Variants in RFTN1 observed in about 807,000 individuals in gnomAD.
RFTN1 encodes the protein raftlin.
A neutral mutation model predicts 46.5 loss-of-function variants in RFTN1; 26 were observed. That is an observed-to-expected ratio of 0.56 (90% CI 0.41 to 0.78). RFTN1 has a LOEUF of 0.78. RFTN1 is among the 30% of genes least tolerant of loss of function. The pLI, the probability that RFTN1 is intolerant of heterozygous loss-of-function variation, is 0.00. For missense variants in RFTN1, 693 were observed against 718.7 expected, an observed-to-expected ratio of 0.96 and a Z score of 0.41; for synonymous variants, 261 against 284.2, an observed-to-expected ratio of 0.92 and a Z score of 0.82.
chr3:16,458,429 A>G lies in RFTN1; in HGVS notation c.146-24392T>C, dbSNP rs2075951401. ...AAGTGTTTCTCTCACTGACATTTGG[A>G]AGACATTTTCCCTCCTCATGATGTG... On this transcript the variant is annotated intron_variant, in intron 2 of 9. Transcript: ENST00000334133. The surrounding 1 kb of genome is among the most constrained non-coding windows in gnomAD (Gnocchi z 5.1). Among the ~76,000 whole-genome samples, 1 of 152,196 alleles carries G rather than the reference A, an allele frequency of 6.6e-6. No homozygotes were observed. Among genetic ancestry groups the G allele is most frequent in the African/African-American group, 2.4e-5 (1 of 41,454 alleles).
Position 16,480,745 on chromosome 3 carries a change from C to T in RFTN1, c.145+12980G>A, listed in dbSNP as rs920741084. ...TTAGAGAAAGCTTAAAATTCTTTAACGCAATATTGCTAATAATAATTAGTA... is the reference window on the plus strand; with the variant it reads ...TTAGAGAAAGCTTAAAATTCTTTAATGCAATATTGCTAATAATAATTAGTA... On this transcript the variant is annotated intron_variant, in intron 2 of 9. Transcript: ENST00000334133. This position sits in a 1 kb window ranked among gnomAD's most constrained non-coding sequence, Gnocchi z 4.3. Among the ~76,000 whole-genome samples the T allele has an allele frequency of 6.6e-6, 1 of 152,136 alleles. No individual in the cohort carries two copies. Among genetic ancestry groups the T allele is most frequent in the Non-Finnish European group, 1.5e-5 (1 of 68,028 alleles).
chr3:16,401,945 C>T (rs2125424562), intron 4 of RFTN1, among the ~76,000 whole-genome samples: 1 of 152,324 alleles, frequency 6.6e-6, no homozygotes, highest in Middle Eastern at 3.4e-3. Context: ...ATCCTTACCA[C>T]CATTCTTGCC....
In RFTN1 at chr3:16,426,947, G is replaced by T. The variant is rs1420933338; in HGVS notation, c.332+6904C>A. ...GAATCCAAAGATGGAAGAGGATTCA[G>T]CAAAGGGAGTGGAGGTGGGCAGACA... On this transcript the variant is annotated intron_variant, in intron 3 of 9. Coordinates refer to ENST00000334133, the MANE Select transcript of RFTN1 (RefSeq NM_015150.2). The surrounding 1 kb of genome is among the most constrained non-coding windows in gnomAD (Gnocchi z 5.9). Among the ~76,000 whole-genome samples the T allele has an allele frequency of 6.6e-6, 1 of 152,196 alleles. No individual in the cohort carries two copies. Among genetic ancestry groups the T allele is most frequent in the South Asian group, 2.1e-4 (1 of 4,828 alleles).
In RFTN1 at chr3:16,382,813, A is replaced by G. The variant is rs549563743; in HGVS notation, c.442-4711T>C. On this transcript the variant is annotated intron_variant, in intron 4 of 9. Coordinates refer to ENST00000334133, the MANE Select transcript of RFTN1 (RefSeq NM_015150.2). The surrounding 1 kb of genome is among the most constrained non-coding windows in gnomAD (Gnocchi z 4.7). Reference sequence around the variant, plus strand: ...TGACCATCCAAGCTCACTTTATTTCAAGCCCTCATCATCTGTTGCTGGACA... The same window carrying G: ...TGACCATCCAAGCTCACTTTATTTCGAGCCCTCATCATCTGTTGCTGGACA... Among the ~76,000 whole-genome samples the G allele has an allele frequency of 3.9e-5, 6 of 152,274 alleles. No individual in the cohort carries two copies. The highest frequency in any genetic ancestry group is 1.4e-4 in the African/African-American group (6 of 41,554).
At chr3:16,364,949 A>G (rs1345863551) in intron 6 of RFTN1, among the ~76,000 whole-genome samples, 1 of 152,236 alleles carries the variant, frequency 6.6e-6, no homozygotes, top group Non-Finnish European at 1.5e-5. Flanking sequence ...TGCTGGTGAC[A>G]TGGGTGTGCT....
rs989408958 is a variant in RFTN1, at chr3:16,504,588, A to G, written c.-9+8854T>C. 6.6e-6 allele frequency among the ~76,000 whole-genome samples: 1 copy of G among 152,202 alleles called. No homozygotes were observed. The highest frequency in any genetic ancestry group is 6.5e-5 in the Admixed American group (1 of 15,282). On this transcript the variant is annotated intron_variant, in intron 1 of 9. Transcript: ENST00000334133. The surrounding 1 kb of genome is among the most constrained non-coding windows in gnomAD (Gnocchi z 4.4). ...TGCCTTTGCTGCAGTGCCTTGCGGT[A>G]TCTTAGCACAGAATTTGGGAACCAC...
At position 16,325,336 on chromosome 3, in the gene RFTN1, G is replaced by A. The variant is rs192530977; in HGVS notation, c.1250+1437C>T. On this transcript the variant is annotated intron_variant, in intron 8 of 9. Coordinates refer to ENST00000334133, the MANE Select transcript of RFTN1 (RefSeq NM_015150.2). The stretch of plus-strand genomic sequence containing the variant: ...ACACAGTCTCCATTCCACCGTAAGT[G>A]GTCATTTAAGGAACAGGGAGGTGGA... Among the ~76,000 whole-genome samples, 194 of 152,322 alleles carry A rather than the reference G, an allele frequency of 1.3e-3. 1 individual carries two copies. Among genetic ancestry groups the A allele is most frequent in the Non-Finnish European group, 1.1e-3 (74 of 68,032 alleles).
rs1247521032 is a variant in RFTN1, at chr3:16,442,875, C to G, written c.146-8838G>C. Among the ~76,000 whole-genome samples, 4 of 152,190 alleles carry G rather than the reference C, an allele frequency of 2.6e-5. No individual in the cohort carries two copies. The highest frequency in any genetic ancestry group is 4.4e-5 in the Non-Finnish European group (3 of 68,030). ...GGCTTATTTCACTTAGCAGAATGTC[C>G]TCTAGATTCAGCCATGCTGTTGTAA... On this transcript the variant is annotated intron_variant, in intron 2 of 9. Coordinates refer to ENST00000334133, the MANE Select transcript of RFTN1 (RefSeq NM_015150.2). The surrounding 1 kb of genome is among the most constrained non-coding windows in gnomAD (Gnocchi z 4.1).
At chr3:16,493,985 C>G in intron 1 of RFTN1, 108 bp from the exon 2 acceptor site, 2 of 1,214,688 alleles carry the variant, frequency 1.6e-6, no homozygotes, top group Non-Finnish European at 2.3e-6. Context: ...ACATGACAGA[C>G]CTCAGCCCTT....
chr3:16,382,446 T>G lies in RFTN1; in HGVS notation c.442-4344A>C, dbSNP rs780956918. Among the ~76,000 whole-genome samples, 1 of 152,210 alleles carries G rather than the reference T, an allele frequency of 6.6e-6. No homozygotes were observed. Among genetic ancestry groups the G allele is most frequent in the Non-Finnish European group, 1.5e-5 (1 of 68,044 alleles). ...AACCTTTACTGAGCCAGTCTCACAT[T>G]CATCATGGTGGTGGGCATGCGATGT... On this transcript the variant is annotated intron_variant, in intron 4 of 9. Coordinates refer to ENST00000334133, the MANE Select transcript of RFTN1 (RefSeq NM_015150.2). This position sits in a 1 kb window ranked among gnomAD's most constrained non-coding sequence, Gnocchi z 4.7.
At chr3:16,377,493 T>C (rs1194194758) in intron 5 of RFTN1, among the ~76,000 whole-genome samples, 1 of 152,206 alleles carries the variant, frequency 6.6e-6, no homozygotes, top group African/African-American at 2.4e-5. Flanking sequence ...TGGAGCAAAC[T>C]GCAAGTCAAT....
In RFTN1 at chr3:16,322,072, G is replaced by A. The variant is rs1269792964; in HGVS notation, c.1332+1304C>T. 1.3e-5 allele frequency among the ~76,000 whole-genome samples: 2 copies of A among 152,220 alleles called. No homozygotes were observed. Among genetic ancestry groups the A allele is most frequent in the Non-Finnish European group, 2.9e-5 (2 of 68,044 alleles). Reference sequence around the variant, plus strand: ...GCCCTTTGCGTGCTGTGTGTTGAATGTTGCACTTGCTGAATGCATGCAGTT... The same window carrying A: ...GCCCTTTGCGTGCTGTGTGTTGAATATTGCACTTGCTGAATGCATGCAGTT... On this transcript the variant is annotated intron_variant, in intron 9 of 9. Transcript: ENST00000334133. This position sits in a 1 kb window ranked among gnomAD's most constrained non-coding sequence, Gnocchi z 6.2.
rs1052587364 is a variant in RFTN1, at chr3:16,402,328, G to A, written c.441+7047C>T. Among the ~76,000 whole-genome samples the A allele has an allele frequency of 6.6e-6, 1 of 152,104 alleles. No individual in the cohort carries two copies. Among genetic ancestry groups the A allele is most frequent in the African/African-American group, 2.4e-5 (1 of 41,402 alleles). ...TAAGCAGGGTACCCCATTGCCCCCT[G>A]CAAGGCCTGCGCCAGCCGCCAGCTC... is the stretch of plus-strand genomic sequence containing the variant. On this transcript the variant is annotated intron_variant, in intron 4 of 9. Coordinates refer to ENST00000334133, the MANE Select transcript of RFTN1 (RefSeq NM_015150.2). The surrounding 1 kb of genome is among the most constrained non-coding windows in gnomAD (Gnocchi z 4.5).
chr3:16,393,777 G>A (rs1426638368), intron 4 of RFTN1, among the ~76,000 whole-genome samples: 1 of 151,554 alleles, frequency 6.6e-6, no homozygotes, highest in African/African-American at 2.4e-5. Context: ...TCCTGCCTCA[G>A]CCTCCCAAGT....
rs955040587 is a variant in RFTN1 at position 16,410,763 on chromosome 3, G to A, written c.333-1280C>T. Among the ~76,000 whole-genome samples, 1 of 152,140 alleles carries A rather than the reference G, an allele frequency of 6.6e-6. No homozygotes were observed. The highest frequency in any genetic ancestry group is 2.4e-5 in the African/African-American group (1 of 41,400). ...CTGCTTTCCAAAGCACCACCACATA[G>A]ACATCCCTGTGATACAGCACAGTTC... On this transcript the variant is annotated intron_variant, in intron 3 of 9. Transcript: ENST00000334133. The surrounding 1 kb of genome is among the most constrained non-coding windows in gnomAD (Gnocchi z 4.6).
chr3:16,427,348 C>CA lies in RFTN1; in HGVS notation c.332+6502dup, dbSNP rs1332254361. Among the ~76,000 whole-genome samples, 4 of 152,196 alleles carry CA rather than the reference C, an allele frequency of 2.6e-5. No individual in the cohort carries two copies. Among genetic ancestry groups the CA allele is most frequent in the Non-Finnish European group, 4.4e-5 (3 of 68,030 alleles). On this transcript the variant is annotated intron_variant, in intron 3 of 9. Coordinates refer to ENST00000334133, the MANE Select transcript of RFTN1 (RefSeq NM_015150.2). This position sits in a 1 kb window ranked among gnomAD's most constrained non-coding sequence, Gnocchi z 5.4. Reference sequence around the variant, plus strand: ...TGCAAGCCCTGTCTTAGAATAAAGACAGAGTCTTCAGAATTTTAGATTCTG... The same window carrying CA: ...TGCAAGCCCTGTCTTAGAATAAAGACAAGAGTCTTCAGAATTTTAGATTCTG...
In RFTN1 at chr3:16,336,709, CAG is replaced by C. The variant is rs1398563866; in HGVS notation, c.1147-9835_1147-9834del. ...TTAGTTCTTAGATGCAGAAAAGGGT[CAG>C]AGGAAAATACATGTAGTGCATAAAA... On this transcript the variant is annotated intron_variant, in intron 7 of 9. Transcript: ENST00000334133. This position sits in a 1 kb window ranked among gnomAD's most constrained non-coding sequence, Gnocchi z 6.0. Among the ~76,000 whole-genome samples the C allele has an allele frequency of 6.6e-6, 1 of 151,758 alleles. No homozygotes were observed. The highest frequency in any genetic ancestry group is 1.5e-5 in the Non-Finnish European group (1 of 67,956).
intron 3 of RFTN1, among the ~76,000 whole-genome samples, chr3:16,432,103 C>T (rs952495831): frequency 3.9e-5 from 6 of 152,310 alleles, no homozygotes; most frequent in African/African-American, 1.4e-4. Context: ...AGTGAGTGCT[C>T]ACTAAATATA....
At chr3:16,358,259 A>G (rs1559855967) in intron 6 of RFTN1, among the ~76,000 whole-genome samples, 3 of 152,172 alleles carry the variant, frequency 2.0e-5, no homozygotes, top group Non-Finnish European at 1.5e-5. Flanking sequence ...GTTTTGAATA[A>G]TATCCTTGAT....
Sources: gnomAD v4.1 joint callset for allele counts (sites outside exome capture counted in the v4.1 genomes callset) on GRCh38, gnomAD v4.1.1 for gene constraint, Gnocchi (gnomAD v3.1) non-coding constraint, MANE v1.5 for transcripts, NCBI Gene and HGNC (gene_info 2026-07-23, HGNC 2026-07-21) for gene names.